Variants in RHEB observed in about 807,000 individuals in gnomAD.
The protein encoded by RHEB is GTP-binding protein Rheb.
RHEB carries 2 observed loss-of-function variants against 28.8 expected under a neutral mutation model. The observed-to-expected ratio is 0.07, with a 90% CI of 0.03 to 0.22. The LOEUF is 0.22. Among genes scored for constraint, RHEB ranks in the 10% least tolerant of loss-of-function variants. The pLI, the probability that RHEB is intolerant of heterozygous loss-of-function variation, is 1.00. For synonymous variants in RHEB, 69 were observed against 77.3 expected, an observed-to-expected ratio of 0.89 and a Z score of 0.56; for missense variants, 76 against 219.9, an observed-to-expected ratio of 0.35 and a Z score of 4.14.
At chr7:151,494,939 A>C (rs1429844266) in intron 1 of RHEB, among the ~76,000 whole-genome samples, 2 of 152,130 alleles carry the variant, frequency 1.3e-5, no homozygotes, top group African/African-American at 4.8e-5. Flanking sequence ...AATAAACCCC[A>C]CCGCTCATTT....
At chr7:151,519,323 TG>T in intron 1 of RHEB, 136 bp downstream of exon 1, 1 of 500,052 alleles carries the variant, frequency 2.0e-6, no homozygotes, top group Non-Finnish European at 2.9e-6. Flanking sequence ...CTCAGAATGG[TG>T]GTTACGAAAC....
intron 3 of RHEB, among the ~76,000 whole-genome samples, chr7:151,482,411 G>A (rs991196786): frequency 3.9e-5 from 6 of 152,114 alleles, no homozygotes; most frequent in Non-Finnish European, 2.9e-5. Flanking sequence ...GCCCTCATTC[G>A]CTTCCTTAAG....
chr7:151,480,659 T>C (rs1802366418), intron 3 of RHEB, among the ~76,000 whole-genome samples: 1 of 151,624 alleles, frequency 6.6e-6, no homozygotes, highest in Admixed American at 6.6e-5. Flanking sequence ...TGGATTGTCA[T>C]TGAATCAATT....
At position 151,468,406 on chromosome 7, in the gene RHEB, G is replaced by A. The variant is rs115304756; in HGVS notation, c.463-1195C>T. On this transcript the variant is annotated intron_variant, in intron 7 of 7. Transcript: ENST00000262187. This position sits in a 1 kb window ranked among gnomAD's most constrained non-coding sequence, Gnocchi z 4.3. ...ACCAACTGTCGCTGGCACGGTGCCC[G>A]CGGCCACACCGTAAACGCTGCCCAG... 0.016 allele frequency among the ~76,000 whole-genome samples: 2,481 copies of A among 152,212 alleles called. 60 individuals carry two copies. The highest frequency in any genetic ancestry group is 0.053 in the African/African-American group (2,194 of 41,516).
Position 151,468,445 on chromosome 7 carries a change from C to T in RHEB, c.463-1234G>A, listed in dbSNP as rs566674425. 6.6e-5 allele frequency among the ~76,000 whole-genome samples: 10 copies of T among 152,180 alleles called. No individual in the cohort carries two copies. The highest frequency in any genetic ancestry group is 6.5e-4 in the Admixed American group (10 of 15,280). On this transcript the variant is annotated intron_variant, in intron 7 of 7. Coordinates refer to ENST00000262187, the MANE Select transcript of RHEB (RefSeq NM_005614.4). The surrounding 1 kb of genome is among the most constrained non-coding windows in gnomAD (Gnocchi z 4.3). ...AACGCTGCCCAGGGAAAACACACAC[C>T]GCTCACTGCTGACCTCACACCCATG...
At position 151,479,551 on chromosome 7, in the gene RHEB, C is replaced by T. The variant is rs142754004; in HGVS notation, c.193-2136G>A. 8.1e-3 allele frequency among the ~76,000 whole-genome samples: 1,236 copies of T among 151,912 alleles called. 6 individuals are homozygous for T. Among genetic ancestry groups the T allele is most frequent in the Middle Eastern group, 0.02 (6 of 294 alleles). ...CAAAAAAACTAGCTGGGCGTGGTGG[C>T]GGGCGCCTGTAGTCCCAGCTACTCA... On this transcript the variant is annotated intron_variant, in intron 3 of 7. Coordinates refer to ENST00000262187, the MANE Select transcript of RHEB (RefSeq NM_005614.4).
At chr7:151,503,440 G>A (rs1802808784) in intron 1 of RHEB, 5 of 1,199,400 alleles carry the variant, frequency 4.2e-6, no homozygotes, top group Non-Finnish European at 6.2e-6. Context: ...AGGAGACAAT[G>A]AATTTTTTGA....
chr7:151,479,479 C>G lies in RHEB; in HGVS notation c.193-2064G>C, dbSNP rs181586523. Among the ~76,000 whole-genome samples the G allele has an allele frequency of 4.3e-3, 648 of 152,096 alleles. 10 individuals are homozygous for G. The highest frequency in any genetic ancestry group is 6.8e-3 in the Middle Eastern group (2 of 294). Reference sequence around the variant, plus strand: ...GGGCAGATCACAAGGTCAGGAGATTCATATCATCCTGGCTAACACAGTGAA... The same window carrying G: ...GGGCAGATCACAAGGTCAGGAGATTGATATCATCCTGGCTAACACAGTGAA... On this transcript the variant is annotated intron_variant, in intron 3 of 7. Transcript: ENST00000262187.
At chr7:151,505,829 T>C (rs1802863153) in intron 1 of RHEB, among the ~76,000 whole-genome samples, 1 of 152,172 alleles carries the variant, frequency 6.6e-6, no homozygotes, top group Non-Finnish European at 1.5e-5. Context: ...AAAAAGAAAT[T>C]ATACATGCAA....
intron 6 of RHEB, among the ~76,000 whole-genome samples, chr7:151,470,894 G>A (rs535540883): frequency 2.6e-3 from 389 of 152,352 alleles, no homozygotes; most frequent in Non-Finnish European, 3.2e-3. Context: ...TTCCAGCTCA[G>A]AGAACATGAT....
intron 1 of RHEB, among the ~76,000 whole-genome samples, chr7:151,509,363 A>G (rs1802944414): frequency 6.6e-6 from 1 of 152,196 alleles, no homozygotes; most frequent in African/African-American, 2.4e-5. Flanking sequence ...GAAAGCAAGG[A>G]AAGTGTGTGG....
In RHEB at chr7:151,519,416, G is replaced by C. The variant is rs113550009; in HGVS notation, c.52+44C>G. On this transcript the variant is annotated intron_variant, in intron 1 of 7. Coordinates refer to ENST00000262187, the MANE Select transcript of RHEB (RefSeq NM_005614.4). Reference sequence around the variant, plus strand: ...CGGCCGCGACCCGGCTCCCAGGCGAGGCCCCGGCGGCGCGAGGAGGCCGCG... The same window carrying C: ...CGGCCGCGACCCGGCTCCCAGGCGACGCCCCGGCGGCGCGAGGAGGCCGCG... 5.5e-3 allele frequency: 7,377 copies of C among 1,351,352 alleles called. 29 individuals carry two copies. The highest frequency in any genetic ancestry group is 6.6e-3 in the Non-Finnish European group (6,817 of 1,038,292). 83.7% of individuals were successfully genotyped at this position (1,351,352 alleles called of 1,614,324 possible).
intron 7 of RHEB, among the ~76,000 whole-genome samples, chr7:151,467,934 G>A (rs1458887812): frequency 1.3e-5 from 2 of 152,014 alleles, no homozygotes; most frequent in Non-Finnish European, 2.9e-5. Context: ...CAGATTGGAG[G>A]TTTCTATGTT....
In RHEB at chr7:151,468,323, C is replaced by T. The variant is rs1243288140; in HGVS notation, c.463-1112G>A. On this transcript the variant is annotated intron_variant, in intron 7 of 7. Transcript: ENST00000262187. The surrounding 1 kb of genome is among the most constrained non-coding windows in gnomAD (Gnocchi z 4.3). Reference sequence around the variant, plus strand: ...CACTTCTTGCTGCTCCTTTCCCTCTCGGTCAGCTCAGACTCAGCAGGCCAC... The same window carrying T: ...CACTTCTTGCTGCTCCTTTCCCTCTTGGTCAGCTCAGACTCAGCAGGCCAC... 1.3e-5 allele frequency among the ~76,000 whole-genome samples: 2 copies of T among 152,238 alleles called. No individual in the cohort carries two copies. Among genetic ancestry groups the T allele is most frequent in the African/African-American group, 4.8e-5 (2 of 41,456 alleles).
In RHEB at chr7:151,519,842, C is replaced by T. The variant is rs570553518; in HGVS notation, c.-331G>A. The T allele has an allele frequency of 4.4e-5, 10 of 226,960 alleles. No homozygotes were observed. The highest frequency in any genetic ancestry group is 7.8e-5 in the Non-Finnish European group (9 of 116,082). The allele number at this position is 226,960 out of a possible 1,614,324, so 14.1% of individuals were successfully genotyped here. ...ACTTTAAAGGCAAAAAAAGGGGACGCCGCGATGCCCCCAGAAAAGTCACGA... is the reference window on the plus strand; with the variant it reads ...ACTTTAAAGGCAAAAAAAGGGGACGTCGCGATGCCCCCAGAAAAGTCACGA... On this transcript the variant is annotated 5_prime_UTR_variant, in exon 1 of 8. Transcript: ENST00000262187.
chr7:151,469,968 G>A (rs1341429879), intron 7 of RHEB, among the ~76,000 whole-genome samples: 3 of 152,132 alleles, frequency 2.0e-5, no homozygotes, highest in South Asian at 2.1e-4. Context: ...CACTGGGGGC[G>A]GGAGACAAGC....
intron 3 of RHEB, among the ~76,000 whole-genome samples, chr7:151,484,186 C>T (rs1802427210): frequency 6.6e-6 from 1 of 152,122 alleles, no homozygotes; most frequent in African/African-American, 2.4e-5. Flanking sequence ...TGCCCTATGC[C>T]CCTCTTATGC....
chr7:151,502,249 G>T (rs75053101), intron 1 of RHEB: 1 of 515,580 alleles, frequency 1.9e-6, no homozygotes, highest in African/African-American at 2.0e-5. Flanking sequence ...AAAAAAAAAG[G>T]AGCTTGGAGG....
At chr7:151,488,378 T>C (rs1013610146) in intron 2 of RHEB, among the ~76,000 whole-genome samples, 5 of 152,260 alleles carry the variant, frequency 3.3e-5, no homozygotes, top group East Asian at 3.8e-4. Flanking sequence ...CTATAACAGC[T>C]TGTTCTAATA....
Sources: allele counts gnomAD v4.1 joint callset (sites outside exome capture counted in the v4.1 genomes callset), GRCh38; gene constraint gnomAD v4.1.1; non-coding constraint Gnocchi (gnomAD v3.1); transcripts MANE v1.5; gene names NCBI Gene and HGNC (gene_info 2026-07-23, HGNC 2026-07-21).